Variants in AFAP1 observed in about 807,000 individuals in gnomAD.
The protein encoded by AFAP1 is actin filament-associated protein 1.
A neutral mutation model predicts 93.9 loss-of-function variants in AFAP1; 75 were observed. That is an observed-to-expected ratio of 0.80 (90% CI 0.66 to 0.97). AFAP1 has a LOEUF of 0.97. Ranked by LOEUF, AFAP1 falls within the 50% of genes least tolerant of loss-of-function variation. The pLI is 0.00. For synonymous variants in AFAP1, 517 were observed against 430.7 expected, an observed-to-expected ratio of 1.20 and a Z score of -2.48; for missense variants, 1,201 against 1,050.8, an observed-to-expected ratio of 1.14 and a Z score of -1.98.
chr4:7,823,971 T>C (rs1022466942), intron 6 of AFAP1, among the ~76,000 whole-genome samples: 13 of 152,344 alleles, frequency 8.5e-5, no homozygotes, highest in African/African-American at 3.1e-4. Context: ...TGCATCAGCA[T>C]AAACCAGTCT....
At chr4:7,938,548 C>G (rs1475306032) in intron 1 of AFAP1, among the ~76,000 whole-genome samples, 1 of 152,062 alleles carries the variant, frequency 6.6e-6, no homozygotes, top group South Asian at 2.1e-4. Context: ...TCGGAGTCTC[C>G]CCACCCACGG....
intron 9 of AFAP1, among the ~76,000 whole-genome samples, chr4:7,803,686 G>A (rs546679298): frequency 5.9e-5 from 9 of 152,354 alleles, no homozygotes; most frequent in East Asian, 3.9e-4. Context: ...ACCTGGTCCC[G>A]AAAAGGGACA....
At chr4:7,822,972 G>C (rs1035485457) in intron 6 of AFAP1, among the ~76,000 whole-genome samples, 2 of 152,162 alleles carry the variant, frequency 1.3e-5, no homozygotes, top group Middle Eastern at 6.8e-3. Flanking sequence ...CTTGGGTAGG[G>C]TGGAGGGGCT....
intron 6 of AFAP1, among the ~76,000 whole-genome samples, chr4:7,827,610 A>G (rs1476411671): frequency 2.8e-5 from 4 of 141,664 alleles, no homozygotes; most frequent in African/African-American, 1.0e-4. Flanking sequence ...GAGAAAAATG[A>G]GGCAAGAGAG....
chr4:7,795,898 A>G (rs187235450), intron 10 of AFAP1, among the ~76,000 whole-genome samples: 6 of 152,284 alleles, frequency 3.9e-5, no homozygotes, highest in African/African-American at 1.4e-4. Flanking sequence ...AGAGGCTTTT[A>G]AAAAATAATA....
chr4:7,905,401 G>C (rs1029160257), intron 1 of AFAP1, among the ~76,000 whole-genome samples: 1 of 152,180 alleles, frequency 6.6e-6, no homozygotes, highest in Admixed American at 6.5e-5. Context: ...TTCCATTTGG[G>C]AGAAAGGTCT....
chr4:7,806,124 C>A (rs1577232683), intron 9 of AFAP1, among the ~76,000 whole-genome samples: 1 of 152,196 alleles, frequency 6.6e-6, no homozygotes, highest in Non-Finnish European at 1.5e-5. Context: ...TGGTCAGGGG[C>A]CTTTGCGCAT....
At chr4:7,860,432 C>A (rs1715548617) in intron 3 of AFAP1, among the ~76,000 whole-genome samples, 1 of 152,108 alleles carries the variant, frequency 6.6e-6, no homozygotes. Context: ...TTCATTGGAC[C>A]ATTTCCAATT....
chr4:7,821,725 T>C (rs1201249140), intron 6 of AFAP1, among the ~76,000 whole-genome samples: 3 of 152,236 alleles, frequency 2.0e-5, no homozygotes, highest in South Asian at 4.1e-4. Flanking sequence ...ATGTGTGTAG[T>C]AATTTTGCAA....
intron 9 of AFAP1, among the ~76,000 whole-genome samples, chr4:7,805,806 G>A (rs895029362): frequency 3.3e-5 from 5 of 152,222 alleles, no homozygotes; most frequent in Middle Eastern, 3.2e-3. Flanking sequence ...AAAGTGAAGC[G>A]GGGACAGCAG....
At chr4:7,925,381 C>T (rs910160397) in intron 1 of AFAP1, among the ~76,000 whole-genome samples, 5 of 152,354 alleles carry the variant, frequency 3.3e-5, no homozygotes, top group African/African-American at 1.2e-4. Context: ...AGTCAAACTT[C>T]TGAGTTCATC....
At chr4:7,930,730 T>C (rs1183454730) in intron 1 of AFAP1, among the ~76,000 whole-genome samples, 1 of 152,196 alleles carries the variant, frequency 6.6e-6, no homozygotes, top group Non-Finnish European at 1.5e-5. Flanking sequence ...ATATATACAC[T>C]ATTGTACTAT....
chr4:7,778,836 G>C lies in AFAP1; in HGVS notation c.1823C>G (p.Thr608Arg), dbSNP rs375753327. 8 of 1,614,032 alleles carry C rather than the reference G, an allele frequency of 5.0e-6. No homozygotes were observed. Among genetic ancestry groups the C allele is most frequent in the Non-Finnish European group, 6.8e-6 (8 of 1,180,038 alleles). The change falls in exon 14 of 18, where the codon ACA becomes AGA. Residue 608 changes from threonine (T) to arginine (R), a missense_variant. Coordinates refer to ENST00000420658, the MANE Select transcript of AFAP1 (RefSeq NM_001134647.2). ...KKPPVASNGV[T>R]GKGKTLSSQP... ...ACTGCTCAGAGTCTTCCCTTTTCCT[G>C]TGACCCCATTAGACGCCACGGGGGG...
intron 1 of AFAP1, among the ~76,000 whole-genome samples, chr4:7,920,089 C>T (rs1326153603): frequency 6.6e-6 from 1 of 152,114 alleles, no homozygotes; most frequent in Non-Finnish European, 1.5e-5. Context: ...GTGAACAGTG[C>T]TGCAATGAAC....
chr4:7,837,535 T>C (rs1712455169), intron 6 of AFAP1, among the ~76,000 whole-genome samples: 1 of 152,150 alleles, frequency 6.6e-6, no homozygotes, highest in African/African-American at 2.4e-5. Context: ...GAGAAATACA[T>C]TTGTTATAAA....
In AFAP1 at chr4:7,903,962, T is replaced by TC. The variant is rs1553853962; in HGVS notation, c.-2-31883dup. ...TGGTTTAATGTCTTTTTTTTTTTTT[T>TC]CCAGAGAGTTTTTAAAATACAGGAA... On this transcript the variant is annotated intron_variant, in intron 1 of 17. Transcript: ENST00000420658. 4.7e-4 allele frequency among the ~76,000 whole-genome samples: 71 copies of TC among 151,358 alleles called. 1 individual carries two copies. Among genetic ancestry groups the TC allele is most frequent in the African/African-American group, 1.7e-3 (69 of 40,994 alleles).
At chr4:7,900,276 A>C (rs4478172) in intron 1 of AFAP1, among the ~76,000 whole-genome samples, 49,449 of 137,782 alleles carry the variant, frequency 0.36, 8,691 homozygotes, top group East Asian at 0.52. Context: ...AATAAAAGAA[A>C]TGAAACCCCC....
chr4:7,876,126 G>A (rs1334401370), intron 1 of AFAP1, among the ~76,000 whole-genome samples: 1 of 152,166 alleles, frequency 6.6e-6, no homozygotes, highest in Non-Finnish European at 1.5e-5. Flanking sequence ...TAACAGCATG[G>A]AACTATCTGA....
At position 7,763,803 on chromosome 4, in the gene AFAP1, G is replaced by A. The variant is rs980310843; in HGVS notation, c.2419-12C>T. Reference sequence around the variant, plus strand: ...TTCAATTCCCATTCCTAGAGGAAAGGAGAGTCTTGTAAGTGGACAGGGCAA... The same window carrying A: ...TTCAATTCCCATTCCTAGAGGAAAGAAGAGTCTTGTAAGTGGACAGGGCAA... On this transcript the variant is annotated splice_polypyrimidine_tract_variant and intron_variant, in intron 17 of 17. Coordinates refer to ENST00000420658, the MANE Select transcript of AFAP1 (RefSeq NM_001134647.2). 1.3e-6 allele frequency: 2 copies of A among 1,551,558 alleles called. No homozygotes were observed. The highest frequency in any genetic ancestry group is 1.2e-5 in the South Asian group (1 of 84,058).
Sources: gnomAD v4.1 joint callset for allele counts (sites outside exome capture counted in the v4.1 genomes callset) on GRCh38, gnomAD v4.1.1 for gene constraint, MANE v1.5 for transcripts, NCBI Gene and HGNC (gene_info 2026-07-23, HGNC 2026-07-21) for gene names.